CSNK2A2IP: variants seen among roughly 807,000 people sequenced by gnomAD.
The protein encoded by CSNK2A2IP is casein kinase II subunit alpha'-interacting protein.
At chr3:88,390,459 T>A in the CSNK2A2IP span, among the ~76,000 whole-genome samples, 1 of 152,170 alleles carries the variant, frequency 6.6e-6, no homozygotes, top group African/African-American at 2.4e-5. Flanking sequence ...GAGTTAGTCA[T>A]GAAGCTTTGT....
chr3:88,368,321 T>C, the CSNK2A2IP span, among the ~76,000 whole-genome samples: 13 of 151,946 alleles, frequency 8.6e-5, no homozygotes, highest in Admixed American at 6.6e-4. Flanking sequence ...AAGGGAAAAT[T>C]GAAGTTATAT....
At chr3:88,408,627 A>G in the CSNK2A2IP span, among the ~76,000 whole-genome samples, 1 of 152,000 alleles carries the variant, frequency 6.6e-6, no homozygotes, top group South Asian at 2.1e-4. Context: ...TACTCTATTA[A>G]CTGTCCCATA....
the CSNK2A2IP span, among the ~76,000 whole-genome samples, chr3:88,348,950 T>G: frequency 6.6e-6 from 1 of 151,980 alleles, no homozygotes. Flanking sequence ...ATTATTATTT[T>G]TATTCCCGAA....
chr3:88,444,851 G>T, the CSNK2A2IP span, among the ~76,000 whole-genome samples: 2 of 152,276 alleles, frequency 1.3e-5, no homozygotes, highest in South Asian at 2.1e-4. Context: ...CCCTTAATAT[G>T]TCATGGTTTT....
the CSNK2A2IP span, chr3:88,467,164 A>G: frequency 2.5e-6 from 1 of 402,552 alleles, no homozygotes; most frequent in African/African-American, 2.1e-5. Flanking sequence ...TAAAAAAAAT[A>G]ATTCTCAGCC....
At chr3:88,413,344 C>T in the CSNK2A2IP span, among the ~76,000 whole-genome samples, 1 of 151,972 alleles carries the variant, frequency 6.6e-6, no homozygotes, top group Admixed American at 6.5e-5. Context: ...CTCTTATACA[C>T]TAAGAGAACT....
the CSNK2A2IP span, among the ~76,000 whole-genome samples, chr3:88,454,892 C>T: frequency 2.6e-5 from 4 of 151,836 alleles, no homozygotes; most frequent in African/African-American, 9.7e-5. Context: ...CCCATTTTCC[C>T]TTATCCCTTA....
At chr3:88,355,073 C>A in the CSNK2A2IP span, among the ~76,000 whole-genome samples, 1 of 151,934 alleles carries the variant, frequency 6.6e-6, no homozygotes, top group South Asian at 2.1e-4. Flanking sequence ...AACATGCCAG[C>A]AATGCAAAGT....
chr3:88,362,856 T>C, the CSNK2A2IP span, among the ~76,000 whole-genome samples: 1 of 152,172 alleles, frequency 6.6e-6, no homozygotes, highest in Non-Finnish European at 1.5e-5. Context: ...TCCTTTGTAG[T>C]CTTCCCTCTC....
the CSNK2A2IP span, among the ~76,000 whole-genome samples, chr3:88,365,543 A>T: frequency 3.3e-5 from 5 of 152,180 alleles, no homozygotes; most frequent in African/African-American, 1.2e-4. Context: ...TAATAAATGG[A>T]TGGATTCGCT....
chr3:88,360,460 A>G, the CSNK2A2IP span, among the ~76,000 whole-genome samples: 4 of 152,014 alleles, frequency 2.6e-5, no homozygotes, highest in East Asian at 7.8e-4. Flanking sequence ...AATCCATTTT[A>G]TCTCATGTAA....
the CSNK2A2IP span, among the ~76,000 whole-genome samples, chr3:88,447,922 A>G: frequency 6.6e-6 from 1 of 152,316 alleles, no homozygotes; most frequent in African/African-American, 2.4e-5. Context: ...GTATTTTCTT[A>G]ATTAAGTAGA....
chr3:88,345,396 G>A, the CSNK2A2IP span, among the ~76,000 whole-genome samples: 102 of 151,914 alleles, frequency 6.7e-4, 1 homozygote, highest in East Asian at 0.015. Flanking sequence ...GGCATACCTC[G>A]TTTATTGTGC....
chr3:88,449,494 G>C, the CSNK2A2IP span, among the ~76,000 whole-genome samples: 11 of 151,610 alleles, frequency 7.3e-5, no homozygotes, highest in Middle Eastern at 3.2e-3. Context: ...TTTCTCATAG[G>C]TTTTAGGAAA....
At chr3:88,466,364 A>G in the CSNK2A2IP span, 1 of 1,231,868 alleles carries the variant, frequency 8.1e-7, no homozygotes, top group Non-Finnish European at 1.0e-6. Flanking sequence ...CAGACCACGA[A>G]TTCACCTGTC....
the CSNK2A2IP span, among the ~76,000 whole-genome samples, chr3:88,435,481 C>T: frequency 0.55 from 84,113 of 151,874 alleles, 24,250 homozygotes; most frequent in Non-Finnish European, 0.64. Flanking sequence ...CTTCTAAGAA[C>T]TTCTATAGTT....
the CSNK2A2IP span, among the ~76,000 whole-genome samples, chr3:88,432,599 C>T: frequency 1.3e-5 from 2 of 151,378 alleles, no homozygotes; most frequent in African/African-American, 4.8e-5. Flanking sequence ...ATAAGTATAT[C>T]AAAACATGCT....
At chr3:88,364,494 G>A in the CSNK2A2IP span, among the ~76,000 whole-genome samples, 2 of 151,962 alleles carry the variant, frequency 1.3e-5, no homozygotes. Flanking sequence ...GGGAAAAAGA[G>A]AGATAATGTA....
At chr3:88,442,331 C>T in the CSNK2A2IP span, among the ~76,000 whole-genome samples, 582 of 152,176 alleles carry the variant, frequency 3.8e-3, 4 homozygotes, top group African/African-American at 0.013. Context: ...CAAACCACTG[C>T]GCCTAGCTTG....
Sources: gnomAD v4.1 joint callset for allele counts (sites outside exome capture counted in the v4.1 genomes callset) on GRCh38, gnomAD v4.1.1 for gene constraint, MANE v1.5 for transcripts, NCBI Gene and HGNC (gene_info 2026-07-23, HGNC 2026-07-21) for gene names.